The following LRRC1 variants were observed in gnomAD, a reference collection of about 807,000 sequenced individuals.
LRRC1 encodes leucine-rich repeat-containing protein 1.
In LRRC1, 28 loss-of-function variants were observed where a neutral mutation model predicts 69.9. The ratio of observed to expected loss-of-function variants is 0.40; its 90% confidence interval spans 0.30 to 0.55. The LOEUF (loss-of-function observed/expected upper bound fraction) is 0.55. Ranked by LOEUF, LRRC1 falls within the 20% of genes least tolerant of loss-of-function variation. LRRC1 has a pLI of 0.47. For synonymous variants in LRRC1, 236 were observed against 240.2 expected, an observed-to-expected ratio of 0.98 and a Z score of 0.16; for missense variants, 498 against 609.0, an observed-to-expected ratio of 0.82 and a Z score of 1.92.
intron 1 of LRRC1, among the ~76,000 whole-genome samples, chr6:53,808,329 T>C (rs1397400907): frequency 3.3e-5 from 5 of 152,028 alleles, no homozygotes; most frequent in African/African-American, 1.2e-4. Context: ...GAATTATTTA[T>C]TGATTTAGGG....
At chr6:53,891,409 A>G (rs1767674877) in intron 4 of LRRC1, among the ~76,000 whole-genome samples, 1 of 152,128 alleles carries the variant, frequency 6.6e-6, no homozygotes, top group Admixed American at 6.5e-5. Context: ...GATACTGTGC[A>G]ATTGTTGAAA....
chr6:53,857,575 CAA>C (rs1766352261), intron 2 of LRRC1, among the ~76,000 whole-genome samples: 1 of 152,146 alleles, frequency 6.6e-6, no homozygotes. Flanking sequence ...GGCAGGGAAA[CAA>C]AGAAATTCTC....
chr6:53,804,915 A>T lies in LRRC1; in HGVS notation c.159+9500A>T, dbSNP rs536818065. On this transcript the variant is annotated intron_variant, in intron 1 of 13. Coordinates refer to ENST00000370888, the MANE Select transcript of LRRC1 (RefSeq NM_018214.5). The stretch of plus-strand genomic sequence containing the variant: ...TAAAAAGCTAAAGTCTAGAGAGGTA[A>T]AGTGATGTATTAAAGGAAAATAAAG... Among the ~76,000 whole-genome samples the T allele has an allele frequency of 7.2e-5, 11 of 152,362 alleles. No homozygotes were observed. In the South Asian group the frequency reaches 1.9e-3, roughly 26 times the overall value.
chr6:53,882,341 C>T (rs1164470197), intron 3 of LRRC1, among the ~76,000 whole-genome samples: 1 of 152,060 alleles, frequency 6.6e-6, no homozygotes, highest in African/African-American at 2.4e-5. Flanking sequence ...GAGTGAGACT[C>T]CATCTCAAAA....
chr6:53,868,163 T>C (rs1300973032), intron 2 of LRRC1, among the ~76,000 whole-genome samples: 1 of 152,000 alleles, frequency 6.6e-6, no homozygotes. Flanking sequence ...CATTATTGCT[T>C]CTCAAATAGT....
At chr6:53,795,483 T>G in intron 1 of LRRC1, 68 bp downstream of exon 1, 1 of 1,469,234 alleles carries the variant, frequency 6.8e-7, no homozygotes. Flanking sequence ...CCATCCTCTC[T>G]CGTCCCCTCT....
chr6:53,843,738 A>G (rs1765856578), intron 2 of LRRC1, among the ~76,000 whole-genome samples: 1 of 152,052 alleles, frequency 6.6e-6, no homozygotes. Context: ...TGGGGGTTTC[A>G]TGGCCTCTTT....
chr6:53,906,053 ATTTC>A (rs1329410460), intron 10 of LRRC1, among the ~76,000 whole-genome samples: 1 of 152,138 alleles, frequency 6.6e-6, no homozygotes, highest in African/African-American at 2.4e-5. Context: ...TGTAGAAAAT[ATTTC>A]TTTCTTTCTT....
intron 10 of LRRC1, among the ~76,000 whole-genome samples, chr6:53,909,070 T>A (rs1768329727): frequency 2.0e-5 from 3 of 152,226 alleles, no homozygotes. Context: ...GGAAAACATT[T>A]ATGGATATAC....
chr6:53,876,504 A>G (rs1315222740), intron 2 of LRRC1, among the ~76,000 whole-genome samples: 1 of 152,210 alleles, frequency 6.6e-6, no homozygotes, highest in Non-Finnish European at 1.5e-5. Context: ...ATCTTATCCA[A>G]GACAAGGCAA....
At chr6:53,821,938 G>A (rs1468246619) in intron 1 of LRRC1, among the ~76,000 whole-genome samples, 2 of 150,706 alleles carry the variant, frequency 1.3e-5, no homozygotes, top group Non-Finnish European at 3.0e-5. Context: ...GTGTGGTGAG[G>A]TTGTTATGTT....
At chr6:53,830,467 A>G (rs777696551) in intron 1 of LRRC1, among the ~76,000 whole-genome samples, 7 of 152,194 alleles carry the variant, frequency 4.6e-5, no homozygotes, top group Non-Finnish European at 8.8e-5. Context: ...ATCTGGATTA[A>G]TATTAGAATT....
At position 53,900,035 on chromosome 6, in the gene LRRC1, T is replaced by TGTTTTG. The variant is rs1562066458; in HGVS notation, c.787+144_787+145insGTTTTG. 6.1e-5 allele frequency: 37 copies of TGTTTTG among 607,994 alleles called. No homozygotes were observed. In the African/African-American group the frequency reaches 7.3e-4, roughly 12 times the overall value. 37.7% of individuals were successfully genotyped at this position (607,994 alleles called of 1,614,324 possible). A position where few individuals can be genotyped will look rare whatever the true frequency, so the allele number is the denominator to read the frequency against. ...TCTCCTTACTGTTTTTTTTTTTTTT[T>TGTTTTG]TTTTTTTTTTTTTTTTTTCTGAGAT... On this transcript the variant is annotated intron_variant, in intron 8 of 13. Transcript: ENST00000370888.
intron 1 of LRRC1, among the ~76,000 whole-genome samples, chr6:53,836,232 T>C (rs1017802579): frequency 6.6e-6 from 1 of 152,050 alleles, no homozygotes; most frequent in African/African-American, 2.4e-5. Context: ...GATGCATGAG[T>C]CCAGATGAGA....
At chr6:53,844,440 C>A (rs1433951839) in intron 2 of LRRC1, among the ~76,000 whole-genome samples, 1 of 152,174 alleles carries the variant, frequency 6.6e-6, no homozygotes, top group Non-Finnish European at 1.5e-5. Context: ...TGGGATGCTC[C>A]GTGGGAAGTC....
At chr6:53,884,150 T>C in intron 4 of LRRC1, 1 of 612,158 alleles carries the variant, frequency 1.6e-6, no homozygotes, top group Non-Finnish European at 2.9e-6. Context: ...TGGTATTTTA[T>C]TGTGAATTTC....
At chr6:53,800,250 T>C (rs12180035) in intron 1 of LRRC1, among the ~76,000 whole-genome samples, 2 of 16,014 alleles carry the variant, frequency 1.2e-4, no homozygotes, top group East Asian at 9.8e-3. Flanking sequence ...TCTTTTTCTT[T>C]TTTTTTTTTT....
intron 1 of LRRC1, among the ~76,000 whole-genome samples, chr6:53,799,795 A>T (rs899610562): frequency 6.6e-6 from 1 of 152,214 alleles, no homozygotes; most frequent in East Asian, 1.9e-4. Flanking sequence ...TTCTGTTTCT[A>T]GGGGGCAGGG....
intron 1 of LRRC1, among the ~76,000 whole-genome samples, chr6:53,810,939 T>C (rs1375445281): frequency 6.6e-6 from 1 of 152,200 alleles, no homozygotes; most frequent in African/African-American, 2.4e-5. Flanking sequence ...GGTTTACTTT[T>C]CTAATGAGAT....
Sources: allele counts gnomAD v4.1 joint callset (sites outside exome capture counted in the v4.1 genomes callset), GRCh38; gene constraint gnomAD v4.1.1; transcripts MANE v1.5; gene names NCBI Gene and HGNC (gene_info 2026-07-23, HGNC 2026-07-21).